TEX9: variants seen among roughly 807,000 people sequenced by gnomAD.
The protein encoded by TEX9 is testis expressed 9, also known as testis-expressed protein 9.
In TEX9, 74 loss-of-function variants were observed where a neutral mutation model predicts 59.6. That is an observed-to-expected ratio of 1.24 (90% confidence interval 1.03 to 1.51). The LOEUF (loss-of-function observed/expected upper bound fraction) is 1.51, where lower values mean the gene tolerates loss of function less well. Ranked by LOEUF, TEX9 falls within the 40% of genes most tolerant of loss-of-function variation. TEX9 has a pLI of 0.00. For missense variants in TEX9, 522 were observed against 447.8 expected, an observed-to-expected ratio of 1.17 and a Z score of -1.49; for synonymous variants, 186 against 152.2, an observed-to-expected ratio of 1.22 and a Z score of -1.64.
At position 56,314,681 on chromosome 15, in the gene TEX9, C is replaced by T. The variant is rs556542283; in HGVS notation, c.-106-58760C>T. On this transcript the variant is annotated intron_variant, in intron 1 of 5. Coordinates refer to the TEX9 transcript ENST00000560827. ...TCTATTAGGTCTTCTTGGTGCAGAG[C>T]TGAGTTCAATTCCTGGGTATCCTTG... Among the ~76,000 whole-genome samples the T allele has an allele frequency of 3.9e-5, 6 of 152,178 alleles. No individual in the cohort carries two copies. In the South Asian group the frequency reaches 6.2e-4, roughly 16 times the overall value.
chr15:56,420,776 C>G (rs566736320), intron 10 of TEX9, among the ~76,000 whole-genome samples: 1 of 151,886 alleles, frequency 6.6e-6, no homozygotes, highest in African/African-American at 2.4e-5. Context: ...AGAATACTTT[C>G]TAATTTTCTT....
At chr15:56,395,043 T>G in intron 9 of TEX9, 1 of 561,188 alleles carries the variant, frequency 1.8e-6, no homozygotes, top group Non-Finnish European at 3.1e-6. Context: ...TTTGGTGTAT[T>G]CATAGAATTG....
intron 1 of TEX9, among the ~76,000 whole-genome samples, chr15:56,289,882 C>T (rs891313962): frequency 2.6e-5 from 4 of 152,086 alleles, no homozygotes; most frequent in Non-Finnish European, 4.4e-5. Flanking sequence ...GTAAAGCAGC[C>T]GAGGAGCCAA....
intron 9 of TEX9, among the ~76,000 whole-genome samples, chr15:56,401,646 A>G (rs2048790207): frequency 6.6e-6 from 1 of 152,196 alleles, no homozygotes; most frequent in South Asian, 2.1e-4. Context: ...GACCTTATAG[A>G]CATCTACAGA....
chr15:56,327,622 C>A (rs777022500), intron 1 of TEX9, among the ~76,000 whole-genome samples: 1 of 152,204 alleles, frequency 6.6e-6, no homozygotes, highest in Non-Finnish European at 1.5e-5. Context: ...CAATCTCGAA[C>A]TGCCAACACC....
intron 10 of TEX9, among the ~76,000 whole-genome samples, chr15:56,426,006 T>C (rs1310434882): frequency 6.6e-6 from 1 of 152,184 alleles, no homozygotes; most frequent in African/African-American, 2.4e-5. Context: ...CCTAAAAATC[T>C]CACTACTTCT....
chr15:56,304,873 C>A (rs978874319), intron 1 of TEX9, among the ~76,000 whole-genome samples: 12 of 152,174 alleles, frequency 7.9e-5, no homozygotes, highest in East Asian at 5.8e-4. Flanking sequence ...CAGGCATACA[C>A]CACCATGCCC....
At chr15:56,296,983 A>G (rs1302199042) in intron 1 of TEX9, among the ~76,000 whole-genome samples, 1 of 152,232 alleles carries the variant, frequency 6.6e-6, no homozygotes, top group Non-Finnish European at 1.5e-5. Flanking sequence ...CTGTTGAAAT[A>G]AGAATTTTTG....
chr15:56,409,297 A>C (rs12438637), intron 9 of TEX9, among the ~76,000 whole-genome samples: 40 of 152,200 alleles, frequency 2.6e-4, no homozygotes, highest in African/African-American at 9.6e-4. Context: ...ATAAAATCCA[A>C]ATTTCTAAGT....
intron 1 of TEX9, chr15:56,323,248 C>T: frequency 4.6e-6 from 1 of 217,238 alleles, no homozygotes; most frequent in Admixed American, 4.1e-5. Context: ...AAGAAGTGCT[C>T]AGAGTAGTGG....
At chr15:56,377,177 G>T (rs2047498527) in intron 3 of TEX9, among the ~76,000 whole-genome samples, 1 of 152,138 alleles carries the variant, frequency 6.6e-6, no homozygotes, top group African/African-American at 2.4e-5. Flanking sequence ...ATAATTTGAA[G>T]CCAGGTAATG....
At chr15:56,333,142 A>G (rs369069799) in intron 1 of TEX9, among the ~76,000 whole-genome samples, 6 of 152,164 alleles carry the variant, frequency 3.9e-5, no homozygotes, top group African/African-American at 1.2e-4. Flanking sequence ...AAAATAGAGG[A>G]GAGAATACTT....
the TEX9 span, among the ~76,000 whole-genome samples, chr15:56,456,165 G>C: frequency 6.6e-6 from 1 of 152,096 alleles, no homozygotes; most frequent in Non-Finnish European, 1.5e-5. Flanking sequence ...GTAAAGGAAA[G>C]AGCAGGGGGA....
At chr15:56,289,639 T>C (rs1017659156) in intron 1 of TEX9, among the ~76,000 whole-genome samples, 1 of 152,190 alleles carries the variant, frequency 6.6e-6, no homozygotes, top group Non-Finnish European at 1.5e-5. Context: ...ATAGGGGAAG[T>C]TGTGGCTGAG....
intron 1 of TEX9, among the ~76,000 whole-genome samples, chr15:56,312,099 C>G (rs79433803): frequency 0.37 from 52,803 of 142,652 alleles, 11,906 homozygotes; most frequent in Non-Finnish European, 0.48. Context: ...TAGGTTGCCT[C>G]TTCACTCTGA....
chr15:56,368,390 A>G lies in TEX9; in HGVS notation c.119+2720A>G, dbSNP rs150307250. On this transcript the variant is annotated intron_variant, in intron 2 of 12. Coordinates refer to ENST00000352903, the Ensembl canonical transcript of TEX9. Reference sequence around the variant, plus strand: ...GAAATGGGTGTTGTAGTTTTTCTCTACTTCTTTTCCTTTCTGTTTTTGATA... The same window carrying G: ...GAAATGGGTGTTGTAGTTTTTCTCTGCTTCTTTTCCTTTCTGTTTTTGATA... Among the ~76,000 whole-genome samples the G allele has an allele frequency of 2.1e-4, 32 of 152,148 alleles. No individual in the cohort carries two copies. In the East Asian group the frequency reaches 4.6e-3, roughly 22 times the overall value.
intron 4 of TEX9, among the ~76,000 whole-genome samples, chr15:56,387,526 A>T (rs1443608150): frequency 6.6e-6 from 1 of 151,902 alleles, no homozygotes; most frequent in East Asian, 1.9e-4. Context: ...GAAAAAATTT[A>T]TGCATGGCTA....
intron 1 of TEX9, among the ~76,000 whole-genome samples, chr15:56,290,884 G>GT (rs1200652747): frequency 1.3e-4 from 20 of 150,528 alleles, no homozygotes; most frequent in Non-Finnish European, 2.2e-4. Context: ...AGCTGTCATT[G>GT]TTTTTTTATG....
At position 56,419,116 on chromosome 15, in the gene TEX9, CT is replaced by C. The variant is rs371786586; in HGVS notation, c.963+6688del. Among the ~76,000 whole-genome samples, 34 of 151,650 alleles carry C rather than the reference CT, an allele frequency of 2.2e-4. No homozygotes were observed. In the East Asian group the frequency reaches 4.6e-3, roughly 21 times the overall value. On this transcript the variant is annotated intron_variant, in intron 10 of 12. Coordinates refer to ENST00000352903, the Ensembl canonical transcript of TEX9. ...GTTTCCAGAATACAGGTTTTACACA[CT>C]TTTTTTTCAAACTTATCTCTTAGTG...
Sources: allele counts gnomAD v4.1 joint callset (sites outside exome capture counted in the v4.1 genomes callset), GRCh38; gene constraint gnomAD v4.1.1; transcripts MANE v1.5; gene names NCBI Gene and HGNC (gene_info 2026-07-23, HGNC 2026-07-21).